ITGA11: variants seen among roughly 807,000 people sequenced by gnomAD.
ITGA11 encodes integrin alpha-11.
In ITGA11, 97 loss-of-function variants were observed where a neutral mutation model predicts 141.9. That is an observed-to-expected ratio of 0.68 (90% CI 0.58 to 0.81). The LOEUF (loss-of-function observed/expected upper bound fraction) is 0.81. Among genes scored for constraint, ITGA11 ranks in the 30% least tolerant of loss-of-function variants. ITGA11 has a pLI of 0.00. For synonymous variants in ITGA11, 658 were observed against 624.6 expected (o/e 1.05, Z -0.80); for missense variants, 1,387 against 1,559.2 (o/e 0.89, Z 1.86).
Position 68,324,171 on chromosome 15 carries a change from G to T in ITGA11, c.2322+960C>A, listed in dbSNP as rs535255788. On this transcript the variant is annotated intron_variant, in intron 18 of 29. Transcript: ENST00000315757. The surrounding 1 kb of genome is among the most constrained non-coding windows in gnomAD (Gnocchi z 6.3). Reference sequence around the variant, plus strand: ...GTGTGAGGACGGAGGTTTGGCAGGGGACTGTGGGAGGCCTGGGGAGAGGGG... The same window carrying T: ...GTGTGAGGACGGAGGTTTGGCAGGGTACTGTGGGAGGCCTGGGGAGAGGGG... 2.0e-5 allele frequency among the ~76,000 whole-genome samples: 3 copies of T among 152,030 alleles called. No homozygotes were observed. The highest frequency in any genetic ancestry group is 3.9e-4 in the East Asian group (2 of 5,156).
chr15:68,401,868 T>A (rs771759860), intron 2 of ITGA11, among the ~76,000 whole-genome samples: 12 of 152,298 alleles, frequency 7.9e-5, no homozygotes, highest in Admixed American at 2.0e-4. Context: ...ATAAGTAAGA[T>A]ATTTCTTTAC....
Position 68,350,624 on chromosome 15 carries a change from G to A in ITGA11, c.1053C>T (p.Ser351=). 6.2e-7 allele frequency: 1 copy of A among 1,613,132 alleles called. No homozygotes were observed. ...IVDALGDRIF[S]LEGTNKNETS... ...TTAGCATGCATTGCTTACCTTCCAG[G>A]CTGAAGATTCTGTCCCCCAGGGCAT... is the stretch of plus-strand genomic sequence containing the variant. Residue 351 remains serine, a synonymous_variant, in exon 9 of 30, where the codon AGC becomes AGT. Coordinates refer to ENST00000315757, the MANE Select transcript of ITGA11 (RefSeq NM_001004439.2).
intron 2 of ITGA11, among the ~76,000 whole-genome samples, chr15:68,380,000 G>A (rs1466800211): frequency 1.3e-5 from 2 of 152,124 alleles, no homozygotes; most frequent in Admixed American, 6.5e-5. Flanking sequence ...CTTTAAATGT[G>A]GCCAGTGAGG....
At position 68,317,340 on chromosome 15, in the gene ITGA11, C is replaced by T. The variant is rs769010832; in HGVS notation, c.2640G>A (p.Glu880=). ...IQKEDSDGSI[E]CVNEERRLQK... ...GGAGCCTCCTCTCCTCGTTCACACA[C>T]TCAATGCTACCGTCTGAGTCCTCCT... The change falls in exon 21 of 30, where the codon GAG becomes GAA. Residue 880 remains glutamate, a synonymous_variant. Coordinates refer to ENST00000315757, the MANE Select transcript of ITGA11 (RefSeq NM_001004439.2). 3 of 1,613,734 alleles carry T rather than the reference C, an allele frequency of 1.9e-6. No homozygotes were observed. Among genetic ancestry groups the T allele is most frequent in the South Asian group, 1.1e-5 (1 of 91,074 alleles).
intron 24 of ITGA11, 65 bp downstream of exon 24, chr15:68,312,708 C>G: frequency 8.3e-7 from 1 of 1,207,118 alleles, no homozygotes; most frequent in East Asian, 2.4e-5. Flanking sequence ...CACATTCCTC[C>G]CCTCCAGGAT....
At chr15:68,430,296 C>T (rs1416696516) in intron 1 of ITGA11, among the ~76,000 whole-genome samples, 2 of 152,202 alleles carry the variant, frequency 1.3e-5, no homozygotes, top group Non-Finnish European at 2.9e-5. Flanking sequence ...GTGCACCCAG[C>T]CCTGTGTTAA....
At position 68,361,704 on chromosome 15, in the gene ITGA11, C is replaced by T; in HGVS notation, c.358G>A (p.Ala120Thr). The T allele has an allele frequency of 6.3e-7, 1 of 1,596,570 alleles. No individual in the cohort carries two copies. The highest frequency in any genetic ancestry group is 8.5e-7 in the Non-Finnish European group (1 of 1,170,062). Reference sequence around the variant, plus strand: ...TCATGAGACCAGAGGGGGCTGCAGGCCTGGGGAGGGCAGTGCAGATCCCCA... The same window carrying T: ...TCATGAGACCAGAGGGGGCTGCAGGTCTGGGGAGGGCAGTGCAGATCCCCA... Reference protein sequence around the residue: ...ATNPKDNSFLACSPLWSHECG... With the variant: ...ATNPKDNSFLTCSPLWSHECG... The change falls in exon 5 of 30, where the codon GCC becomes ACC. Residue 120 changes from alanine to threonine, a missense_variant and splice_region_variant. Coordinates refer to ENST00000315757, the MANE Select transcript of ITGA11 (RefSeq NM_001004439.2).
At chr15:68,375,040 C>T (rs77818145) in intron 2 of ITGA11, among the ~76,000 whole-genome samples, 2,808 of 152,270 alleles carry the variant, frequency 0.018, 75 homozygotes, top group African/African-American at 0.064. Context: ...ACTCCTCGTC[C>T]TGTGCTCTTT....
chr15:68,426,278 T>C (rs185209935), intron 1 of ITGA11, among the ~76,000 whole-genome samples: 71 of 152,338 alleles, frequency 4.7e-4, no homozygotes, highest in Non-Finnish European at 8.2e-4. Context: ...ATGAGTTAAC[T>C]CATTAGGCCT....
intron 1 of ITGA11, among the ~76,000 whole-genome samples, chr15:68,428,409 T>A (rs578191356): frequency 6.6e-6 from 1 of 152,136 alleles, no homozygotes; most frequent in East Asian, 1.9e-4. Flanking sequence ...CACAGCCCTG[T>A]GTGGATGGGC....
intron 2 of ITGA11, among the ~76,000 whole-genome samples, chr15:68,371,633 A>G (rs4500670): frequency 0.21 from 31,462 of 151,828 alleles, 3,692 homozygotes; most frequent in African/African-American, 0.29. Context: ...CAGGAGAATT[A>G]CTTGAATCTG....
chr15:68,327,537 C>T (rs1567130393), intron 16 of ITGA11, among the ~76,000 whole-genome samples: 1 of 152,198 alleles, frequency 6.6e-6, no homozygotes, highest in African/African-American at 2.4e-5. Flanking sequence ...TGTGCCAGCA[C>T]AGACAGTCCT....
At chr15:68,352,100 C>CAAACAAACAAA (rs1567140805) in intron 7 of ITGA11, among the ~76,000 whole-genome samples, 3 of 38,154 alleles carry the variant, frequency 7.9e-5, no homozygotes, top group African/African-American at 2.6e-4. Flanking sequence ...AAACAAACAA[C>CAAACAAACAAA]CAAACAAACA....
At chr15:68,373,637 A>T (rs1049232907) in intron 2 of ITGA11, among the ~76,000 whole-genome samples, 1 of 152,184 alleles carries the variant, frequency 6.6e-6, no homozygotes, top group African/African-American at 2.4e-5. Flanking sequence ...AGGAGAGTTT[A>T]TCCCCCAGCT....
chr15:68,411,749 T>C (rs1277335606), intron 1 of ITGA11, among the ~76,000 whole-genome samples: 1 of 152,212 alleles, frequency 6.6e-6, no homozygotes, highest in Non-Finnish European at 1.5e-5. Context: ...GAGAGTATAT[T>C]TCCCCCAACC....
chr15:68,308,840 T>C lies in ITGA11; in HGVS notation c.3175-1144A>G, dbSNP rs1488499498. ...CAGCAGCAGATCATTCATATCAATT[T>C]GTGAGGAAAAAAAAAATCTTGTTCA... On this transcript the variant is annotated intron_variant, in intron 26 of 29. Coordinates refer to ENST00000315757, the MANE Select transcript of ITGA11 (RefSeq NM_001004439.2). The surrounding 1 kb of genome is among the most constrained non-coding windows in gnomAD (Gnocchi z 5.2). Among the ~76,000 whole-genome samples the C allele has an allele frequency of 1.3e-5, 2 of 152,052 alleles. No individual in the cohort carries two copies. Among genetic ancestry groups the C allele is most frequent in the African/African-American group, 2.4e-5 (1 of 41,390 alleles).
intron 1 of ITGA11, among the ~76,000 whole-genome samples, chr15:68,406,489 C>T (rs927567031): frequency 6.6e-6 from 1 of 152,158 alleles, no homozygotes; most frequent in Admixed American, 6.5e-5. Flanking sequence ...GGCTCTCTCC[C>T]TCCAGTCTTA....
rs535329949 is a variant in ITGA11, at chr15:68,397,796, AATT to A, written c.164+5119_164+5121del. Among the ~76,000 whole-genome samples, 5 of 108,358 alleles carry A rather than the reference AATT, an allele frequency of 4.6e-5. 1 individual carries two copies. The highest frequency in any genetic ancestry group is 2.6e-4 in the South Asian group (1 of 3,890). 71.1% of individuals were successfully genotyped at this position (108,358 alleles called of 152,430 possible). ...TTAAAATATATTTAAAATAATATAA[AATT>A]ATTAATAATAATATTATATATTATT... On this transcript the variant is annotated intron_variant, in intron 2 of 29. Transcript: ENST00000315757.
chr15:68,321,170 T>C lies in ITGA11; in HGVS notation c.2408+248A>G, dbSNP rs1263053236. ...GGGCTCCGAAGAAAGGGTTTCTTTTTTTTTTTTTTTTTAACAAAATTTGAA... is the reference window on the plus strand; with the variant it reads ...GGGCTCCGAAGAAAGGGTTTCTTTTCTTTTTTTTTTTTAACAAAATTTGAA... On this transcript the variant is annotated intron_variant, in intron 19 of 29. Transcript: ENST00000315757. This position sits in a 1 kb window ranked among gnomAD's most constrained non-coding sequence, Gnocchi z 4.9. Among the ~76,000 whole-genome samples, 2 of 151,084 alleles carry C rather than the reference T, an allele frequency of 1.3e-5. No homozygotes were observed. Among genetic ancestry groups the C allele is most frequent in the African/African-American group, 2.4e-5 (1 of 41,208 alleles).
Sources: allele counts gnomAD v4.1 joint callset (sites outside exome capture counted in the v4.1 genomes callset), GRCh38; gene constraint gnomAD v4.1.1; non-coding constraint Gnocchi (gnomAD v3.1); transcripts MANE v1.5; gene names NCBI Gene and HGNC (gene_info 2026-07-23, HGNC 2026-07-21).